Variants in PAPPA observed in about 807,000 individuals in gnomAD.
The protein encoded by PAPPA is pappalysin 1.
In PAPPA, 60 loss-of-function variants were observed where a neutral mutation model predicts 164.0. The ratio of observed to expected loss-of-function variants is 0.37; its 90% CI spans 0.30 to 0.45. The LOEUF is 0.45. PAPPA is among the 20% of genes least tolerant of loss of function. The pLI is 1.00. For missense variants in PAPPA, 1,782 were observed against 2,087.3 expected, an observed-to-expected ratio of 0.85 and a Z score of 2.85; for synonymous variants, 875 against 814.1, an observed-to-expected ratio of 1.07 and a Z score of -1.27.
intron 9 of PAPPA, among the ~76,000 whole-genome samples, chr9:116,285,544 C>A (rs1845327647): frequency 6.6e-6 from 1 of 152,210 alleles, no homozygotes. Flanking sequence ...ACCCGTTCCT[C>A]CTCTGAGAGA....
intron 1 of PAPPA, among the ~76,000 whole-genome samples, chr9:116,155,225 C>A (rs938958985): frequency 6.6e-6 from 1 of 152,160 alleles, no homozygotes; most frequent in Non-Finnish European, 1.5e-5. Context: ...CTAACGCATA[C>A]CCCGCCAGCG....
Position 116,312,285 on chromosome 9 carries a change from TTTC to T in PAPPA, c.3147+9338_3147+9340del, listed in dbSNP as rs1354702434. On this transcript the variant is annotated intron_variant, in intron 10 of 21. Coordinates refer to ENST00000328252, the MANE Select transcript of PAPPA (RefSeq NM_002581.5). ...CTTTCATTTTCTTTTCTTTTCTTTCTTTCTTTTTTTTTTTTTTTTTGTTATTGT... is the reference window on the plus strand; with the variant it reads ...CTTTCATTTTCTTTTCTTTTCTTTCTTTTTTTTTTTTTTTTTTGTTATTGT... 4.6e-4 allele frequency among the ~76,000 whole-genome samples: 44 copies of T among 96,492 alleles called. No homozygotes were observed. In the South Asian group the frequency reaches 0.013, roughly 28 times the overall value. The allele number at this position is 96,492 out of a possible 152,430, so 63.3% of individuals were successfully genotyped here. A position where few individuals can be genotyped will look rare whatever the true frequency, so the allele number is the denominator to read the frequency against.
At chr9:116,333,400 T>C (rs1479592276) in intron 12 of PAPPA, among the ~76,000 whole-genome samples, 1 of 152,170 alleles carries the variant, frequency 6.6e-6, no homozygotes, top group Non-Finnish European at 1.5e-5. Flanking sequence ...ACCTTCACAC[T>C]TCCAGTCTAC....
At chr9:116,365,612 A>T (rs1846491532) in intron 18 of PAPPA, among the ~76,000 whole-genome samples, 1 of 135,508 alleles carries the variant, frequency 7.4e-6, no homozygotes, top group African/African-American at 2.8e-5. Context: ...CAGAGGCTGC[A>T]TTTTTTTTTT....
chr9:116,349,080 C>G (rs767536944), intron 15 of PAPPA, among the ~76,000 whole-genome samples: 6 of 152,148 alleles, frequency 3.9e-5, no homozygotes, highest in Non-Finnish European at 7.3e-5. Context: ...CTTAATCTGT[C>G]TTCTTCCTCT....
chr9:116,359,409 T>G (rs1846395151), intron 17 of PAPPA, among the ~76,000 whole-genome samples: 1 of 152,210 alleles, frequency 6.6e-6, no homozygotes. Context: ...CAAACTGTTT[T>G]GCTGAGAGAT....
rs773551904 is a variant in PAPPA at position 116,271,440 on chromosome 9, G to A, written c.2953+24G>A. The A allele has an allele frequency of 1.3e-6, 2 of 1,530,258 alleles. No homozygotes were observed. Among genetic ancestry groups the A allele is most frequent in the Non-Finnish European group, 1.8e-6 (2 of 1,103,456 alleles). The allele number at this position is 1,530,258 out of a possible 1,614,324, so 94.8% of individuals were successfully genotyped here. On this transcript the variant is annotated intron_variant, in intron 9 of 21. Transcript: ENST00000328252. This position sits in a 1 kb window ranked among gnomAD's most constrained non-coding sequence, Gnocchi z 4.2. ...TGGTACGTCTTTTTCATTTCTTGTG[G>A]CCTTCATGAAGAAATGAACGGTGCA... is the stretch of plus-strand genomic sequence containing the variant.
chr9:116,187,506 C>T lies in PAPPA; in HGVS notation c.768C>T (p.Phe256=). ...ACTACCGGGGCTACATCGAGCACTT[C>T]AGTCTGTGGAAGGTGGCCAGGACTC... ...NHNYRGYIEH[F]SLWKVARTQR... Residue 256 remains phenylalanine, a synonymous_variant, in exon 2 of 22, where the codon TTC becomes TTT. Transcript: ENST00000328252. This position sits in a 1 kb window ranked among gnomAD's most constrained non-coding sequence, Gnocchi z 4.2. The T allele has an allele frequency of 6.2e-7, 1 of 1,614,160 alleles. No homozygotes were observed. Among genetic ancestry groups the T allele is most frequent in the Non-Finnish European group, 8.5e-7 (1 of 1,180,002 alleles).
intron 1 of PAPPA, among the ~76,000 whole-genome samples, chr9:116,169,412 C>T (rs537735205): frequency 1.3e-5 from 2 of 148,270 alleles, no homozygotes; most frequent in East Asian, 2.0e-4. Flanking sequence ...CTCCACCTCC[C>T]GAGGTCAAGC....
intron 1 of PAPPA, among the ~76,000 whole-genome samples, chr9:116,160,099 G>T (rs1843649878): frequency 6.6e-6 from 1 of 152,158 alleles, no homozygotes. Flanking sequence ...AGGTAATGTT[G>T]AAGGACCACT....
intron 9 of PAPPA, among the ~76,000 whole-genome samples, chr9:116,302,161 A>C (rs57117109): frequency 0.037 from 5,662 of 152,270 alleles, 370 homozygotes; most frequent in African/African-American, 0.13. Context: ...AATATCTTCC[A>C]CATGAAGTTT....
In PAPPA at chr9:116,235,341, T is replaced by A. The variant is rs374183470; in HGVS notation, c.2436T>A (p.Ala812=). The stretch of plus-strand genomic sequence containing the variant: ...CCACTGACTGGGACTCTAGTGGAGC[T>A]GTCAATGACATCAAACTGTTGGCTG... The part of the protein sequence containing the change: ...FVSTDWDSSG[A]VNDIKLLAVS... The change falls in exon 7 of 22, where the codon GCT becomes GCA. Residue 812 remains alanine (A), a synonymous_variant. Coordinates refer to ENST00000328252, the MANE Select transcript of PAPPA (RefSeq NM_002581.5). 1 of 1,613,920 alleles carries A rather than the reference T, an allele frequency of 6.2e-7. No homozygotes were observed. Among genetic ancestry groups the A allele is most frequent in the Non-Finnish European group, 8.5e-7 (1 of 1,179,954 alleles).
intron 3 of PAPPA, 151 bp from the exon 4 acceptor site, chr9:116,211,488 G>A (rs546926334): frequency 3.1e-6 from 2 of 637,678 alleles, no homozygotes; most frequent in Non-Finnish European, 5.5e-6. Flanking sequence ...CATGCCATAG[G>A]TTGTAACAGC....
intron 10 of PAPPA, among the ~76,000 whole-genome samples, chr9:116,312,288 C>CTTTTTTTTTTTTTTTTTTTTTTTTGTTT (rs5900201): frequency 7.7e-6 from 1 of 129,638 alleles, no homozygotes; most frequent in Non-Finnish European, 1.6e-5. Context: ...TTCTTTCTTT[C>CTTTTTTTTTTTTTTTTTTTTTTTTGTTT]TTTTTTTTTT....
chr9:116,154,943 C>T lies in PAPPA; in HGVS notation c.415+356C>T, dbSNP rs1843583823. On this transcript the variant is annotated intron_variant, in intron 1 of 21. Coordinates refer to ENST00000328252, the MANE Select transcript of PAPPA (RefSeq NM_002581.5). The surrounding 1 kb of genome is among the most constrained non-coding windows in gnomAD (Gnocchi z 5.2). ...CTTTTGGGATGAAAGGGAGGATGAC[C>T]CAATTGAGATGCATGTGAAAGGAGA... is the stretch of plus-strand genomic sequence containing the variant. Among the ~76,000 whole-genome samples the T allele has an allele frequency of 6.6e-6, 1 of 152,160 alleles. No individual in the cohort carries two copies. Among genetic ancestry groups the T allele is most frequent in the African/African-American group, 2.4e-5 (1 of 41,428 alleles).
chr9:116,248,865 A>G (rs1402497208), intron 7 of PAPPA, among the ~76,000 whole-genome samples: 3 of 152,192 alleles, frequency 2.0e-5, no homozygotes, highest in African/African-American at 4.8e-5. Flanking sequence ...GATAATACAC[A>G]TCATATCTGG....
At chr9:116,334,740 A>T in intron 12 of PAPPA, 121 bp from the exon 13 acceptor site, 1 of 666,784 alleles carries the variant, frequency 1.5e-6, no homozygotes. Flanking sequence ...CGGCCGCCCA[A>T]TGGTGCTTTT....
At chr9:116,342,543 C>T (rs1230288847) in intron 13 of PAPPA, among the ~76,000 whole-genome samples, 1 of 152,030 alleles carries the variant, frequency 6.6e-6, no homozygotes, top group South Asian at 2.1e-4. Context: ...TTTAGCTCCC[C>T]CCGCCTCCAG....
chr9:116,190,528 T>C (rs1844028534), intron 2 of PAPPA, among the ~76,000 whole-genome samples: 1 of 152,132 alleles, frequency 6.6e-6, no homozygotes, highest in South Asian at 2.1e-4. Context: ...AAACCTCCCA[T>C]GGAAGGAGGA....
Sources: gnomAD v4.1 joint callset for allele counts (sites outside exome capture counted in the v4.1 genomes callset) on GRCh38, gnomAD v4.1.1 for gene constraint, Gnocchi (gnomAD v3.1) non-coding constraint, MANE v1.5 for transcripts, NCBI Gene and HGNC (gene_info 2026-07-23, HGNC 2026-07-21) for gene names.